Variants in ADGRF4 observed in about 807,000 individuals in gnomAD.
ADGRF4 encodes the protein adhesion G protein-coupled receptor F4.
In ADGRF4, 63 loss-of-function variants were observed where a neutral mutation model predicts 58.5. That is an observed-to-expected ratio of 1.08 (90% CI 0.88 to 1.33). ADGRF4 has a LOEUF of 1.33. ADGRF4 is among the 40% of genes most tolerant of loss of function. The probability of loss-of-function intolerance (pLI) is 0.00; values close to 1 mark genes in which losing one functional copy is unlikely to be tolerated. For synonymous variants in ADGRF4, 313 were observed against 295.4 expected (o/e 1.06, Z -0.61); for missense variants, 931 against 843.9 (o/e 1.10, Z -1.28).
intron 4 of ADGRF4, 50 bp downstream of exon 4, chr6:47,710,936 A>G (rs1457820288): frequency 3.2e-6 from 5 of 1,560,300 alleles, no homozygotes; most frequent in Non-Finnish European, 4.4e-6. Context: ...CCCAGCAGAA[A>G]GTAGACACAT....
intron 4 of ADGRF4, among the ~76,000 whole-genome samples, chr6:47,711,982 A>G (rs1771883030): frequency 6.6e-6 from 1 of 152,212 alleles, no homozygotes; most frequent in African/African-American, 2.4e-5. Flanking sequence ...AAAGTCTGAA[A>G]TTGTCATTCC....
At chr6:47,705,949 T>G (rs576727768) in intron 1 of ADGRF4, among the ~76,000 whole-genome samples, 1 of 152,360 alleles carries the variant, frequency 6.6e-6, no homozygotes, top group South Asian at 2.1e-4. Flanking sequence ...TTCTGTATGC[T>G]GAGCATCTGG....
Position 47,710,900 on chromosome 6 carries a change from A to G in ADGRF4, c.300+14A>G. ...AAACTCTTTAAGGTGATGCATTCAC[A>G]AATTATTGGTGACAGAAGCCAATCC... On this transcript the variant is annotated intron_variant, in intron 4 of 9. Coordinates refer to ENST00000283303, the MANE Select transcript of ADGRF4 (RefSeq NM_153838.5). 6.2e-7 allele frequency: 1 copy of G among 1,607,718 alleles called. No homozygotes were observed. The highest frequency in any genetic ancestry group is 1.3e-5 in the African/African-American group (1 of 74,668).
Position 47,716,833 on chromosome 6 carries a change from A to G in ADGRF4, c.1960A>G (p.Ile654Val). 1.9e-6 allele frequency: 3 copies of G among 1,600,004 alleles called. No homozygotes were observed. The highest frequency in any genetic ancestry group is 2.6e-6 in the Non-Finnish European group (3 of 1,172,854). The change falls in exon 7 of 10, where the codon ATT (isoleucine) becomes GTT (valine). Residue 654 changes from isoleucine (I) to valine (V), a missense_variant. By Grantham distance (29) the Ile-to-Val change is conservative. Coordinates refer to ENST00000283303, the MANE Select transcript of ADGRF4 (RefSeq NM_153838.5). ...QGFFILLFGT[I>V]MDHKIRDALR... Reference sequence around the variant, plus strand: ...TTTTTTCATCCTGCTGTTTGGAACCATTATGGATCACAAGGTAATTTGAAT... The same window carrying G: ...TTTTTTCATCCTGCTGTTTGGAACCGTTATGGATCACAAGGTAATTTGAAT...
At chr6:47,718,562 AG>A (rs2113909576) in intron 9 of ADGRF4, 117 bp downstream of exon 9, 2 of 712,326 alleles carry the variant, frequency 2.8e-6, no homozygotes, top group South Asian at 3.1e-5. Flanking sequence ...GGAGGGGAAG[AG>A]GGGGACATCT....
chr6:47,699,640 T>C lies in ADGRF4; in HGVS notation c.-17+846T>C, dbSNP rs116737559. Among the ~76,000 whole-genome samples the C allele has an allele frequency of 4.3e-3, 660 of 152,328 alleles. 3 individuals are homozygous for C. Among genetic ancestry groups the C allele is most frequent in the African/African-American group, 0.014 (576 of 41,586 alleles). ...TTGGCTGGAAGCCATCTAAAGTAGC[T>C]AAAGATGAGATGTTTCTGATTCTAA... is the stretch of plus-strand genomic sequence containing the variant. On this transcript the variant is annotated intron_variant, in intron 1 of 9. Coordinates refer to ENST00000283303, the MANE Select transcript of ADGRF4 (RefSeq NM_153838.5).
At chr6:47,712,908 G>A (rs1386937473) in intron 5 of ADGRF4, among the ~76,000 whole-genome samples, 1 of 152,154 alleles carries the variant, frequency 6.6e-6, no homozygotes, top group Non-Finnish European at 1.5e-5. Flanking sequence ...ATTAGAACAG[G>A]GGTCCCCAAC....
At position 47,707,227 on chromosome 6, in the gene ADGRF4, C is replaced by G; in HGVS notation, c.-16-3C>G. ...GTGGGTATGCCTTCTTTCTCTATTGCAGGTGAAGATCCTCATGTATGAAAA... is the reference window on the plus strand; with the variant it reads ...GTGGGTATGCCTTCTTTCTCTATTGGAGGTGAAGATCCTCATGTATGAAAA... On this transcript the variant is annotated splice_region_variant and splice_polypyrimidine_tract_variant and intron_variant, in intron 1 of 9. Transcript: ENST00000283303. 1 of 1,518,960 alleles carries G rather than the reference C, an allele frequency of 6.6e-7. No homozygotes were observed. The highest frequency in any genetic ancestry group is 9.1e-7 in the Non-Finnish European group (1 of 1,093,414). 94.1% of individuals were successfully genotyped at this position (1,518,960 alleles called of 1,614,324 possible). A position where few individuals can be genotyped will look rare whatever the true frequency, so the allele number is the denominator to read the frequency against.
At chr6:47,708,423 A>G (rs1056121266) in intron 3 of ADGRF4, 145 bp downstream of exon 3, 2 of 602,510 alleles carry the variant, frequency 3.3e-6, no homozygotes, top group Non-Finnish European at 5.9e-6. Context: ...ACCAGTATTG[A>G]TAGATTCTCT....
intron 7 of ADGRF4, 91 bp from the exon 8 acceptor site, chr6:47,717,201 C>A: frequency 2.3e-6 from 2 of 883,930 alleles, no homozygotes; most frequent in Non-Finnish European, 3.9e-6. Flanking sequence ...TTGCTTCTGC[C>A]AGGGTTACTG....
intron 9 of ADGRF4, among the ~76,000 whole-genome samples, 151 bp from the exon 10 acceptor site, chr6:47,721,058 G>T (rs568230065): frequency 6.6e-6 from 1 of 152,174 alleles, no homozygotes. Context: ...ATTACTCAAC[G>T]GCTCTGTGCT....
At chr6:47,720,734 C>T (rs1772138239) in intron 9 of ADGRF4, among the ~76,000 whole-genome samples, 1 of 152,158 alleles carries the variant, frequency 6.6e-6, no homozygotes. Context: ...ACCAGGAAGG[C>T]TCTGGGTTCC....
chr6:47,714,473 A>C lies in ADGRF4; in HGVS notation c.1228A>C (p.Ser410Arg), dbSNP rs1232494974. Residue 410 changes from serine (S) to arginine (R), a missense_variant, in exon 6 of 10, where the codon AGC becomes CGC. By Grantham distance (110) the Ser-to-Arg change is moderately radical (BLOSUM62 -1). Coordinates refer to ENST00000283303, the MANE Select transcript of ADGRF4 (RefSeq NM_153838.5). ...VLDYITCIGL[S>R]VSILSLVLCL... Reference sequence around the variant, plus strand: ...GGACTACATCACCTGCATTGGGCTCAGCGTCTCAATCCTAAGCTTGGTTCT... The same window carrying C: ...GGACTACATCACCTGCATTGGGCTCCGCGTCTCAATCCTAAGCTTGGTTCT... 2 of 1,614,076 alleles carry C rather than the reference A, an allele frequency of 1.2e-6. No individual in the cohort carries two copies. The highest frequency in any genetic ancestry group is 2.7e-5 in the African/African-American group (2 of 74,932).
chr6:47,718,533 G>A (rs992762369), intron 9 of ADGRF4, 88 bp downstream of exon 9: 6 of 792,410 alleles, frequency 7.6e-6, no homozygotes, highest in Admixed American at 1.8e-5. Context: ...TGCCTGCTAC[G>A]TGCTGCCAGA....
At position 47,707,546 on chromosome 6, in the gene ADGRF4, A is replaced by C. The variant is rs528837928; in HGVS notation, c.93+208A>C. ...CTGGAGAGCTACAGTACAGTAGAAT[A>C]ATCAAGCTGCAATGGGAAATGTAGA... On this transcript the variant is annotated intron_variant, in intron 2 of 9. Transcript: ENST00000283303. Among the ~76,000 whole-genome samples the C allele has an allele frequency of 2.6e-5, 4 of 152,358 alleles. No homozygotes were observed. In the East Asian group the frequency reaches 7.7e-4, roughly 29 times the overall value.
At chr6:47,715,440 C>T in intron 6 of ADGRF4, 1 of 355,942 alleles carries the variant, frequency 2.8e-6, no homozygotes, top group Non-Finnish European at 5.1e-6. Flanking sequence ...AGCTAACCTT[C>T]ACTTATAGAG....
chr6:47,715,197 C>T lies in ADGRF4; in HGVS notation c.1932+20C>T, dbSNP rs1433408732. ...TTCCAGGTAAGTTCCAAGAGGGAGA[C>T]TTTTCTGTGTTACTCCGACTAGACC... On this transcript the variant is annotated intron_variant, in intron 6 of 9. Coordinates refer to ENST00000283303, the MANE Select transcript of ADGRF4 (RefSeq NM_153838.5). The T allele has an allele frequency of 1.3e-6, 2 of 1,533,674 alleles. No individual in the cohort carries two copies. The highest frequency in any genetic ancestry group is 2.3e-5 in the East Asian group (1 of 43,864).
chr6:47,709,933 G>A (rs1230734994), intron 3 of ADGRF4, among the ~76,000 whole-genome samples: 1 of 151,936 alleles, frequency 6.6e-6, no homozygotes, highest in East Asian at 1.9e-4. Context: ...GCCCTGCCTA[G>A]CATTCCTAAG....
intron 7 of ADGRF4, 98 bp downstream of exon 7, chr6:47,716,945 G>T (rs1772034714): frequency 1.2e-6 from 1 of 813,610 alleles, no homozygotes; most frequent in Non-Finnish European, 2.1e-6. Flanking sequence ...CTCCAGGGGA[G>T]TTGAGTTTGT....
Sources: allele counts gnomAD v4.1 joint callset (sites outside exome capture counted in the v4.1 genomes callset), GRCh38; gene constraint gnomAD v4.1.1; transcripts MANE v1.5; gene names NCBI Gene and HGNC (gene_info 2026-07-23, HGNC 2026-07-21).